Variants in XPO1 observed in about 807,000 individuals in gnomAD.
XPO1 encodes the protein exportin 1.
XPO1 carries 5 observed loss-of-function variants against 133.3 expected under a neutral mutation model. The ratio of observed to expected loss-of-function variants is 0.04; its 90% confidence interval spans 0.02 to 0.08. The LOEUF is 0.08. Among genes scored for constraint, XPO1 ranks in the 10% least tolerant of loss-of-function variants. XPO1 has a pLI of 1.00. For missense variants in XPO1, 506 were observed against 1,267.5 expected (o/e 0.40, Z 9.12); for synonymous variants, 419 against 408.2 (o/e 1.03, Z -0.32).
intron 3 of XPO1, 89 bp from the exon 4 acceptor site, chr2:61,522,772 T>A: frequency 1.1e-6 from 1 of 927,474 alleles, no homozygotes; most frequent in Non-Finnish European, 1.7e-6. Context: ...ATTCACACAT[T>A]TACATCTAAA....
intron 6 of XPO1, among the ~76,000 whole-genome samples, chr2:61,500,380 A>C (rs978159393): frequency 4.6e-5 from 7 of 151,866 alleles, no homozygotes; most frequent in Admixed American, 1.3e-4. Context: ...GGAGTTCAAG[A>C]CCAGCCTGGC....
In XPO1 at chr2:61,485,848, T is replaced by G. The variant is rs775093274; in HGVS notation, c.2428A>C (p.Lys810Gln). 6.2e-7 allele frequency: 1 copy of G among 1,613,952 alleles called. No individual in the cohort carries two copies. The highest frequency in any genetic ancestry group is 1.3e-5 in the African/African-American group (1 of 74,920). ...TCAGCTGTTATATGTCCCCCTAACT[T>G]GTTGACAATTATGGCCATAGTACTA... ...VLSTMAIIVN[K>Q]LGGHITAEIP... Residue 810 changes from lysine to glutamine, a missense_variant, in exon 20 of 25, where the codon AAG becomes CAG. This residue lies in a region of XPO1 where 203 missense variants were observed against 365.9 expected (regional missense o/e 0.55). Transcript: ENST00000401558.
intron 20 of XPO1, chr2:61,485,245 C>A (rs1324419386): frequency 6.6e-6 from 1 of 152,366 alleles, no homozygotes; most frequent in African/African-American, 2.4e-5. Flanking sequence ...ATAATTGAAA[C>A]ATGCAGACTT....
At chr2:61,501,901 A>G in intron 6 of XPO1, 95 bp downstream of exon 6, 1 of 1,069,408 alleles carries the variant, frequency 9.4e-7, no homozygotes, top group East Asian at 2.5e-5. Context: ...TACTTCTGCA[A>G]AATATTAGTA....
chr2:61,535,252 G>C (rs1699310124), intron 1 of XPO1, among the ~76,000 whole-genome samples: 1 of 151,988 alleles, frequency 6.6e-6, no homozygotes. Context: ...CCTTTTTGGG[G>C]GTCTAAGATG....
intron 21 of XPO1, 128 bp downstream of exon 21, chr2:61,483,809 C>A: frequency 9.4e-7 from 1 of 1,067,210 alleles, no homozygotes; most frequent in Non-Finnish European, 1.3e-6. Flanking sequence ...ATAGGATTTT[C>A]TCAGATGTTC....
At chr2:61,483,227 A>G in intron 21 of XPO1, 136 bp from the exon 22 acceptor site, 2 of 896,110 alleles carry the variant, frequency 2.2e-6, no homozygotes, top group Non-Finnish European at 3.3e-6. Context: ...AATTACTTGC[A>G]TAAGGTTTCT....
rs1475786122 is a variant in XPO1 at position 61,493,189 on chromosome 2, C to T, written c.1246-136G>A. ...GTGTAGGGATTCATGCCTATAATTC[C>T]AACTATTCCGGAGGGCCGAGGCAAA... On this transcript the variant is annotated intron_variant, in intron 12 of 24. Transcript: ENST00000401558. 16 of 878,324 alleles carry T rather than the reference C, an allele frequency of 1.8e-5. No individual in the cohort carries two copies. In the East Asian group the frequency reaches 3.0e-4, roughly 16 times the overall value. The allele number at this position is 878,324 out of a possible 1,614,324, so 54.4% of individuals were successfully genotyped here.
At position 61,482,078 on chromosome 2, in the gene XPO1, T is replaced by C. The variant is rs192965770; in HGVS notation, c.2972+302A>G. Among the ~76,000 whole-genome samples, 330 of 16,724 alleles carry C rather than the reference T, an allele frequency of 0.02. 10 individuals carry two copies. The East Asian group carries it at 0.2, about 10-fold the overall frequency. The allele number at this position is 16,724 out of a possible 152,430, so 11.0% of individuals were successfully genotyped here. ...TTTTTGCTTTTTTAAAGAGGCAGGG[T>C]CTCACTCTATCACCCAGGCTGGTGT... On this transcript the variant is annotated intron_variant, in intron 23 of 24. Transcript: ENST00000401558.
chr2:61,492,305 TAGTAAAGAA>T lies in XPO1; in HGVS notation c.1723+11_1723+19del. 6.3e-7 allele frequency: 1 copy of T among 1,582,956 alleles called. No homozygotes were observed. Among genetic ancestry groups the T allele is most frequent in the African/African-American group, 1.4e-5 (1 of 72,978 alleles). On this transcript the variant is annotated intron_variant, in intron 15 of 24. Coordinates refer to ENST00000401558, the MANE Select transcript of XPO1 (RefSeq NM_003400.4). The surrounding 1 kb of genome is among the most constrained non-coding windows in gnomAD (Gnocchi z 5.6). ...CTTCAATAAAAATAAAAGCAAAATA[TAGTAAAGAA>T]AGAGATTTACCATGCATGAATTCGA...
chr2:61,518,412 AACAAAACACAC>A (rs1326816270), intron 4 of XPO1, among the ~76,000 whole-genome samples: 5 of 98,480 alleles, frequency 5.1e-5, no homozygotes, highest in Admixed American at 1.8e-4. Flanking sequence ...AAAAACAAAA[AACAAAACACAC>A]ACACACACAC....
intron 4 of XPO1, among the ~76,000 whole-genome samples, chr2:61,515,935 A>C (rs75338588): frequency 3.4e-4 from 39 of 113,544 alleles, no homozygotes; most frequent in Admixed American, 2.5e-3. Flanking sequence ...AAAAAAAAAA[A>C]ACCACACACA....
At chr2:61,504,310 T>C (rs1370785344) in intron 4 of XPO1, among the ~76,000 whole-genome samples, 1 of 152,204 alleles carries the variant, frequency 6.6e-6, no homozygotes, top group Non-Finnish European at 1.5e-5. Context: ...ATAGGTTCCA[T>C]TCTCCAAAAT....
At chr2:61,499,658 G>C in intron 7 of XPO1, 55 bp downstream of exon 7, 1 of 1,462,196 alleles carries the variant, frequency 6.8e-7, no homozygotes, top group Middle Eastern at 2.5e-4. Flanking sequence ...CATCCAAACT[G>C]CTTGAAATTG....
intron 24 of XPO1, chr2:61,480,265 T>C (rs1474317146): frequency 6.7e-6 from 1 of 149,304 alleles, no homozygotes; most frequent in African/African-American, 2.5e-5. Context: ...ATTGACTTCG[T>C]AGCTATCAGT....
At chr2:61,478,987 A>T (rs1696192232) in intron 24 of XPO1, 21 bp from the exon 25 acceptor site, 1 of 1,605,982 alleles carries the variant, frequency 6.2e-7, no homozygotes, top group African/African-American at 1.3e-5. Flanking sequence ...AGATAGTTGA[A>T]ATGTCAACGC....
intron 3 of XPO1, chr2:61,525,303 T>TCC (rs1698868009): frequency 1.0e-6 from 1 of 985,960 alleles, no homozygotes; most frequent in Admixed American, 6.1e-5. Context: ...CCTAGCTGTG[T>TCC]CAGTTGCACA....
upstream of XPO1, chr2:61,538,477 C>A (rs1463914309): frequency 6.5e-6 from 1 of 153,044 alleles, no homozygotes; most frequent in African/African-American, 2.4e-5. Flanking sequence ...ACGAGCCCGC[C>A]GCTTCGGCCC....
chr2:61,490,842 G>A, intron 16 of XPO1, 66 bp from the exon 17 acceptor site: 4 of 1,566,774 alleles, frequency 2.6e-6, no homozygotes, highest in South Asian at 1.1e-5. Context: ...CCACACACAA[G>A]CAATTCACAA....
Sources: gnomAD v4.1 joint callset for allele counts (sites outside exome capture counted in the v4.1 genomes callset) on GRCh38, gnomAD v4.1.1 for gene constraint, gnomAD v4.1.1 regional missense constraint, Gnocchi (gnomAD v3.1) non-coding constraint, MANE v1.5 for transcripts, NCBI Gene and HGNC (gene_info 2026-07-23, HGNC 2026-07-21) for gene names.